TCN1: variants seen among roughly 807,000 people sequenced by gnomAD.
TCN1 encodes transcobalamin-1.
Under a neutral mutation model 46.3 loss-of-function variants are expected in TCN1, and 47 were observed. The ratio of observed to expected loss-of-function variants is 1.01; its 90% CI spans 0.80 to 1.29. The LOEUF is 1.29. Ranked by LOEUF, TCN1 falls within the 50% of genes most tolerant of loss-of-function variation. TCN1 has a pLI of 0.00. For missense variants in TCN1, 532 were observed against 511.0 expected, an observed-to-expected ratio of 1.04 and a Z score of -0.40; for synonymous variants, 183 against 192.5, an observed-to-expected ratio of 0.95 and a Z score of 0.41.
rs567582159 is a variant in TCN1, at chr11:59,854,856, C to T, written c.938-21G>A. 2.5e-6 allele frequency: 4 copies of T among 1,613,602 alleles called. No homozygotes were observed. The South Asian group carries it at 4.4e-5, about 18-fold the overall frequency. ...GTTACCTGGCAGAGACAGAAAAGCC[C>T]AGAGCAATATTCAGAAAAATAAAAA... On this transcript the variant is annotated intron_variant, in intron 6 of 8. Coordinates refer to ENST00000257264, the MANE Select transcript of TCN1 (RefSeq NM_001062.4).
chr11:59,862,737 A>G lies in TCN1; in HGVS notation c.260-15T>C, dbSNP rs780476905. On this transcript the variant is annotated splice_polypyrimidine_tract_variant and intron_variant, in intron 2 of 8. Coordinates refer to ENST00000257264, the MANE Select transcript of TCN1 (RefSeq NM_001062.4). ...TACATCTGACACTGAAAAGAAAAGT[A>G]TTCAAGCTTAATAAGGTACAGGCTT... The G allele has an allele frequency of 3.8e-5, 62 of 1,612,756 alleles. 4 individuals are homozygous for G. The South Asian group carries it at 6.8e-4, about 18-fold the overall frequency.
chr11:59,856,985 C>T (rs1852950937), intron 5 of TCN1, among the ~76,000 whole-genome samples: 1 of 152,074 alleles, frequency 6.6e-6, no homozygotes, highest in Non-Finnish European at 1.5e-5. Context: ...GAACATGCTG[C>T]TCTGTAGTTT....
At chr11:59,865,044 A>G (rs1306343293) in intron 1 of TCN1, among the ~76,000 whole-genome samples, 1 of 152,202 alleles carries the variant, frequency 6.6e-6, no homozygotes, top group African/African-American at 2.4e-5. Flanking sequence ...TGGACAAGAA[A>G]CCACCGAATA....
intron 3 of TCN1, among the ~76,000 whole-genome samples, chr11:59,862,309 G>A (rs1853022788): frequency 6.6e-6 from 1 of 151,934 alleles, no homozygotes; most frequent in Non-Finnish European, 1.5e-5. Context: ...ATGGTGACTT[G>A]TGTGTGTGCA....
At position 59,862,591 on chromosome 11, in the gene TCN1, C is replaced by T. The variant is rs772405321; in HGVS notation, c.391G>A (p.Glu131Lys). Reference sequence around the variant, plus strand: ...AATATTTAATTCTTACCCATATTTTCAATTTCTGCTTGGAATTTATTTTCT... The same window carrying T: ...AATATTTAATTCTTACCCATATTTTTAATTTCTGCTTGGAATTTATTTTCT... Reference protein sequence around the residue: ...KLENKFQAEIENMEAHNGTPL... With the variant: ...KLENKFQAEIKNMEAHNGTPL... The change falls in exon 3 of 9, where the codon GAA becomes AAA. Residue 131 changes from glutamate (E) to lysine (K), a missense_variant. Glu to Lys is a moderately conservative substitution (Grantham distance 56, BLOSUM62 1). Transcript: ENST00000257264. The T allele has an allele frequency of 6.2e-7, 1 of 1,613,398 alleles. No homozygotes were observed. Among genetic ancestry groups the T allele is most frequent in the Admixed American group, 1.7e-5 (1 of 59,990 alleles).
Position 59,853,231 on chromosome 11 carries a change from A to C in TCN1, c.1212T>G (p.Leu404=), listed in dbSNP as rs774184148. 2 of 1,614,088 alleles carry C rather than the reference A, an allele frequency of 1.2e-6. No individual in the cohort carries two copies. Among genetic ancestry groups the C allele is most frequent in the Non-Finnish European group, 8.5e-7 (1 of 1,179,990 alleles). ...GGCTCAGTGGTTCGCCTCCACTCAG[A>C]AGTTCCCAGTAGGTTCTGTCATTAT... ...ANNNDRTYWE[L]LSGGEPLSQG... is the part of the protein sequence containing the mutation. Residue 404 remains leucine (L), a synonymous_variant, in exon 8 of 9, where the codon CTT becomes CTG. Transcript: ENST00000257264.
intron 3 of TCN1, among the ~76,000 whole-genome samples, chr11:59,862,048 A>G (rs1280272707): frequency 1.3e-5 from 2 of 152,236 alleles, no homozygotes; most frequent in Admixed American, 6.5e-5. Flanking sequence ...GTTAGAGGCC[A>G]TCTCAAAGGA....
At chr11:59,858,750 C>T (rs1037503808) in intron 5 of TCN1, among the ~76,000 whole-genome samples, 3 of 152,176 alleles carry the variant, frequency 2.0e-5, no homozygotes, top group African/African-American at 7.2e-5. Context: ...GAGTGGATCA[C>T]CTGAGGTCAG....
intron 7 of TCN1, among the ~76,000 whole-genome samples, chr11:59,854,101 T>C (rs1866696147): frequency 1.3e-5 from 2 of 151,336 alleles, no homozygotes; most frequent in Non-Finnish European, 2.9e-5. Context: ...AAACCCTCAG[T>C]TGAAATGCTA....
At chr11:59,853,553 G>A (rs1251121376) in intron 7 of TCN1, among the ~76,000 whole-genome samples, 2 of 152,114 alleles carry the variant, frequency 1.3e-5, no homozygotes, top group African/African-American at 2.4e-5. Context: ...CACACTCCAT[G>A]CTAAATTAGA....
chr11:59,859,880 C>A (rs1852998294), intron 4 of TCN1, among the ~76,000 whole-genome samples: 1 of 152,138 alleles, frequency 6.6e-6, no homozygotes, highest in Admixed American at 6.5e-5. Context: ...AAGGGAAGTG[C>A]CCTGCAAAGA....
chr11:59,860,910 T>C (rs1853008693), intron 4 of TCN1, among the ~76,000 whole-genome samples: 1 of 152,214 alleles, frequency 6.6e-6, no homozygotes, highest in African/African-American at 2.4e-5. Context: ...ATTTGAACTT[T>C]GAATTTGGAG....
At chr11:59,861,424 G>A in intron 4 of TCN1, 103 bp downstream of exon 4, 2 of 1,288,232 alleles carry the variant, frequency 1.6e-6, no homozygotes. Context: ...AGCAAAGAGG[G>A]TAGAAAATAA....
Position 59,853,300 on chromosome 11 carries a change from T to G in TCN1, c.1143A>C (p.Ser381=). Reference sequence around the variant, plus strand: ...GAATACAGGTGATATAGGGCCCCCATGAGCGCTCCTCCATTGTGAAACTGT... The same window carrying G: ...GAATACAGGTGATATAGGGCCCCCAGGAGCGCTCCTCCATTGTGAAACTGT... ...TIFGFTMEER[S]WGPYITCIQG... Residue 381 remains serine (S), a synonymous_variant, in exon 8 of 9, where the codon TCA becomes TCC. Transcript: ENST00000257264. The G allele has an allele frequency of 6.2e-7, 1 of 1,614,110 alleles. No individual in the cohort carries two copies. Among genetic ancestry groups the G allele is most frequent in the Non-Finnish European group, 8.5e-7 (1 of 1,180,000 alleles).
At chr11:59,854,200 TG>T (rs1852897363) in intron 7 of TCN1, among the ~76,000 whole-genome samples, 1 of 151,378 alleles carries the variant, frequency 6.6e-6, no homozygotes, top group South Asian at 2.1e-4. Context: ...AAGACCAGCC[TG>T]TGCAACATAG....
intron 2 of TCN1, 145 bp from the exon 3 acceptor site, chr11:59,862,867 T>A: frequency 1.1e-6 from 1 of 935,038 alleles, no homozygotes; most frequent in Non-Finnish European, 1.6e-6. Flanking sequence ...TAGGGATAAA[T>A]TCTGAGAAAC....
rs781610824 is a variant in TCN1 at position 59,856,031 on chromosome 11, T to G, written c.775A>C (p.Asn259His). ...QALFVSSDYY[N>H]ENDWNCQQTL... ...TGTTGGCAATTCCAGTCATTTTCATTATAATAGTCTGATGATACAAAGAGG... is the reference window on the plus strand; with the variant it reads ...TGTTGGCAATTCCAGTCATTTTCATGATAATAGTCTGATGATACAAAGAGG... Residue 259 changes from asparagine (N) to histidine (H), a missense_variant, in exon 6 of 9, where the codon AAT (asparagine) becomes CAT (histidine). Transcript: ENST00000257264. 1 of 1,504,726 alleles carries G rather than the reference T, an allele frequency of 6.6e-7. No individual in the cohort carries two copies. The highest frequency in any genetic ancestry group is 8.9e-7 in the Non-Finnish European group (1 of 1,120,234). The allele number at this position is 1,504,726 out of a possible 1,614,324, so 93.2% of individuals were successfully genotyped here. A position where few individuals can be genotyped will look rare whatever the true frequency, so the allele number is the denominator to read the frequency against.
chr11:59,858,100 A>G (rs964914234), intron 5 of TCN1, among the ~76,000 whole-genome samples: 1 of 152,188 alleles, frequency 6.6e-6, no homozygotes, highest in Non-Finnish European at 1.5e-5. Flanking sequence ...ATCAAATAGA[A>G]CAATTATAAT....
chr11:59,859,519 A>T lies in TCN1; in HGVS notation c.557-252T>A, dbSNP rs142787142. On this transcript the variant is annotated intron_variant, in intron 4 of 8. Transcript: ENST00000257264. The stretch of plus-strand genomic sequence containing the variant: ...CCATGTACTCCATAGTTCATACCTC[A>T]TACTGTAGTGCGATGGGTCTCCCAC... Among the ~76,000 whole-genome samples, 25 of 152,298 alleles carry T rather than the reference A, an allele frequency of 1.6e-4. No individual in the cohort carries two copies. In the East Asian group the frequency reaches 4.1e-3, roughly 25 times the overall value.
Sources: gnomAD v4.1 joint callset for allele counts (sites outside exome capture counted in the v4.1 genomes callset) on GRCh38, gnomAD v4.1.1 for gene constraint, MANE v1.5 for transcripts, NCBI Gene and HGNC (gene_info 2026-07-23, HGNC 2026-07-21) for gene names.